Variants in SAP30BP observed in about 807,000 individuals in gnomAD.
SAP30BP encodes the protein SAP30 binding protein, also known as SAP30-binding protein.
Under a neutral mutation model 46.3 loss-of-function variants are expected in SAP30BP, and 31 were observed. The observed-to-expected ratio is 0.67, with a 90% CI of 0.50 to 0.90. SAP30BP has a LOEUF of 0.90. Among genes scored for constraint, SAP30BP ranks in the 40% least tolerant of loss-of-function variants. The pLI is 0.00. For missense variants in SAP30BP, 312 were observed against 391.0 expected (o/e 0.80, Z 1.70); for synonymous variants, 169 against 144.2 (o/e 1.17, Z -1.23).
At chr17:75,705,492 GTGCTGGC>G in intron 9 of SAP30BP, 1 of 360,712 alleles carries the variant, frequency 2.8e-6, no homozygotes. Flanking sequence ...CCCTCTGGAG[GTGCTGGC>G]TGCTGGGCCA....
chr17:75,703,550 C>A, intron 7 of SAP30BP, 179 bp downstream of exon 7: 1 of 648,798 alleles, frequency 1.5e-6, no homozygotes, highest in East Asian at 2.7e-5. Flanking sequence ...TAAAGAGATT[C>A]CGGTGGCCGG....
chr17:75,679,247 C>T (rs888900643), intron 3 of SAP30BP, among the ~76,000 whole-genome samples: 2 of 152,092 alleles, frequency 1.3e-5, no homozygotes, highest in Non-Finnish European at 2.9e-5. Context: ...CTGCCTGCCT[C>T]GGCCTCCCAA....
intron 3 of SAP30BP, among the ~76,000 whole-genome samples, chr17:75,674,710 T>G (rs113121561): frequency 0.047 from 5,904 of 124,892 alleles, 240 homozygotes; most frequent in African/African-American, 0.081. Flanking sequence ...TTTTTTTTTT[T>G]TTTTTTTTTT....
intron 3 of SAP30BP, chr17:75,679,444 T>C (rs1240307911): frequency 6.6e-6 from 1 of 152,204 alleles, no homozygotes; most frequent in East Asian, 1.9e-4. Context: ...TCTAACTTTG[T>C]TATCTGATGA....
chr17:75,667,423 T>C lies in SAP30BP; in HGVS notation c.51T>C (p.Asp17=). 6.2e-7 allele frequency: 1 copy of C among 1,614,134 alleles called. No individual in the cohort carries two copies. The highest frequency in any genetic ancestry group is 8.5e-7 in the Non-Finnish European group (1 of 1,180,022). Reference sequence around the variant, plus strand: ...CGTCTCTCGCAGTTTACGCGGAAGATTCAGAGCCCGAGTCTGATGGCGAGG... The same window carrying C: ...CGTCTCTCGCAGTTTACGCGGAAGACTCAGAGCCCGAGTCTGATGGCGAGG... ...VLSSLAVYAE[D]SEPESDGEAG... The change falls in exon 1 of 11, where the codon GAT becomes GAC. Residue 17 remains aspartate, a synonymous_variant. Coordinates refer to ENST00000584667, the MANE Select transcript of SAP30BP (RefSeq NM_013260.8).
intron 3 of SAP30BP, among the ~76,000 whole-genome samples, chr17:75,678,379 T>C (rs554400720): frequency 6.6e-6 from 1 of 152,150 alleles, no homozygotes; most frequent in African/African-American, 2.4e-5. Flanking sequence ...TGTAAATGGC[T>C]GTGTAACTAG....
intron 3 of SAP30BP, among the ~76,000 whole-genome samples, chr17:75,680,712 A>G (rs1241241583): frequency 1.3e-5 from 2 of 152,202 alleles, no homozygotes; most frequent in Non-Finnish European, 2.9e-5. Flanking sequence ...ATGTCTCCAT[A>G]GTTTTTCACA....
At position 75,702,475 on chromosome 17, in the gene SAP30BP, C is replaced by T; in HGVS notation, c.397-5C>T. The T allele has an allele frequency of 6.8e-7, 1 of 1,461,790 alleles. No individual in the cohort carries two copies. Among genetic ancestry groups the T allele is most frequent in the Non-Finnish European group, 9.6e-7 (1 of 1,045,806 alleles). 90.6% of individuals were successfully genotyped at this position (1,461,790 alleles called of 1,614,324 possible). A position where few individuals can be genotyped will look rare whatever the true frequency, so the allele number is the denominator to read the frequency against. On this transcript the variant is annotated splice_polypyrimidine_tract_variant and splice_region_variant and intron_variant, in intron 5 of 10. Coordinates refer to ENST00000584667, the MANE Select transcript of SAP30BP (RefSeq NM_013260.8). Reference sequence around the variant, plus strand: ...CCCCCCCACCCCCTCTGCTCCTCTTCACAGGACAAGATCCAGAAGCTTTAT... The same window carrying T: ...CCCCCCCACCCCCTCTGCTCCTCTTTACAGGACAAGATCCAGAAGCTTTAT...
chr17:75,698,467 C>CT (rs60909800), intron 4 of SAP30BP, among the ~76,000 whole-genome samples: 12,623 of 150,826 alleles, frequency 0.084, 1,848 homozygotes, highest in African/African-American at 0.28. Context: ...CCAAGCACCT[C>CT]TGAGTTTCCA....
At chr17:75,678,477 C>CACAG (rs2060025786) in intron 3 of SAP30BP, among the ~76,000 whole-genome samples, 1 of 151,702 alleles carries the variant, frequency 6.6e-6, no homozygotes, top group Non-Finnish European at 1.5e-5. Flanking sequence ...CACACACACA[C>CACAG]ACACACACAC....
chr17:75,682,787 C>T (rs1303590056), intron 3 of SAP30BP, among the ~76,000 whole-genome samples: 4 of 105,770 alleles, frequency 3.8e-5, no homozygotes, highest in South Asian at 3.7e-4. Flanking sequence ...CATAGTGAAA[C>T]CCCCATCTCT....
chr17:75,677,586 C>G (rs919748104), intron 3 of SAP30BP, among the ~76,000 whole-genome samples: 4 of 150,808 alleles, frequency 2.7e-5, no homozygotes, highest in Non-Finnish European at 5.9e-5. Flanking sequence ...TGTGAACCAC[C>G]GTGCCTGACT....
intron 9 of SAP30BP, chr17:75,705,041 C>T (rs371168894): frequency 3.6e-5 from 19 of 525,250 alleles, no homozygotes; most frequent in South Asian, 3.1e-4. Context: ...ATTGTGCCCC[C>T]CTTTCCTCCC....
intron 3 of SAP30BP, among the ~76,000 whole-genome samples, chr17:75,689,534 G>T (rs892495987): frequency 1.3e-4 from 20 of 152,196 alleles, no homozygotes; most frequent in African/African-American, 2.4e-5. Context: ...CCCTCAGCCT[G>T]TTCTGGCTGT....
At chr17:75,677,265 C>T (rs920864819) in intron 3 of SAP30BP, among the ~76,000 whole-genome samples, 2 of 151,480 alleles carry the variant, frequency 1.3e-5, no homozygotes, top group East Asian at 1.9e-4. Context: ...CCACCATGGC[C>T]GGCTAATTTT....
chr17:75,678,972 C>A (rs1173556878), intron 3 of SAP30BP, among the ~76,000 whole-genome samples: 1 of 149,228 alleles, frequency 6.7e-6, no homozygotes, highest in African/African-American at 2.5e-5. Flanking sequence ...CTCCCTGTTT[C>A]TAGAGGTTTT....
intron 4 of SAP30BP, among the ~76,000 whole-genome samples, chr17:75,696,531 G>A (rs1331041851): frequency 1.3e-5 from 2 of 150,406 alleles, no homozygotes; most frequent in East Asian, 1.9e-4. Context: ...GCGACATAGC[G>A]AGACTCCATC....
intron 2 of SAP30BP, among the ~76,000 whole-genome samples, chr17:75,671,189 C>T (rs1302823319): frequency 6.6e-6 from 1 of 152,170 alleles, no homozygotes; most frequent in Non-Finnish European, 1.5e-5. Flanking sequence ...GAGGCAGAGC[C>T]CACTCAACTG....
intron 9 of SAP30BP, chr17:75,705,051 C>T: frequency 2.0e-6 from 1 of 508,064 alleles, no homozygotes; most frequent in Non-Finnish European, 3.6e-6. Context: ...CCTTTCCTCC[C>T]CGCCAATTGC....
Sources: gnomAD v4.1 joint callset for allele counts (sites outside exome capture counted in the v4.1 genomes callset) on GRCh38, gnomAD v4.1.1 for gene constraint, MANE v1.5 for transcripts, NCBI Gene and HGNC (gene_info 2026-07-23, HGNC 2026-07-21) for gene names.